Variants in ZFHX3 observed in about 807,000 individuals in gnomAD.
The protein encoded by ZFHX3 is zinc finger homeobox protein 3.
In ZFHX3, 42 loss-of-function variants were observed where a neutral mutation model predicts 279.1. That is an observed-to-expected ratio of 0.15 (90% CI 0.12 to 0.19). ZFHX3 has a LOEUF of 0.19. Ranked by LOEUF, ZFHX3 falls within the 10% of genes least tolerant of loss-of-function variation. The probability of loss-of-function intolerance (pLI) is 1.00; values close to 1 mark genes in which losing one functional copy is unlikely to be tolerated. For synonymous variants in ZFHX3, 2,293 were observed against 1,957.8 expected (o/e 1.17, Z -4.52); for missense variants, 4,981 against 4,754.0 (o/e 1.05, Z -1.40).
chr16:73,131,055 G>A (rs1353573401), exon 7 of ZFHX3: 2 of 1,195,094 alleles, frequency 1.7e-6, no homozygotes, highest in Admixed American at 2.3e-5. Flanking sequence ...CCTGTCCCTT[G>A]CTGGCTCTTG....
In ZFHX3 at chr16:73,083,170, T is replaced by A. The variant is rs146921704; in HGVS notation, c.-533+10065A>T. 581 of 152,554 alleles carry A rather than the reference T, an allele frequency of 3.8e-3. 3 individuals are homozygous for A. Among genetic ancestry groups the A allele is most frequent in the African/African-American group, 0.012 (507 of 41,488 alleles). 9.5% of individuals were successfully genotyped at this position (152,554 alleles called of 1,614,324 possible). A position where few individuals can be genotyped will look rare whatever the true frequency, so the allele number is the denominator to read the frequency against. On this transcript the variant is annotated intron_variant, in intron 8 of 17. Coordinates refer to the ZFHX3 transcript ENST00000641206. ...GTGAGCCAAGACCATGCCATTGCAC[T>A]CCAGCCTGGGCAACAAGAGCAAAAC...
intron 4 of ZFHX3, among the ~76,000 whole-genome samples, chr16:72,889,520 A>C (rs896027034): frequency 6.6e-6 from 1 of 151,912 alleles, no homozygotes; most frequent in African/African-American, 2.4e-5. Context: ...AAGAAGAAGA[A>C]AGAAAAGAAA....
At chr16:72,908,206 T>C (rs762610654) in intron 3 of ZFHX3, among the ~76,000 whole-genome samples, 14 of 152,014 alleles carry the variant, frequency 9.2e-5, no homozygotes, top group Admixed American at 3.3e-4. Flanking sequence ...TCCCTGGGGA[T>C]TGACACACAG....
chr16:73,677,078 A>G (rs148790128), intron 2 of ZFHX3, among the ~76,000 whole-genome samples: 2 of 152,126 alleles, frequency 1.3e-5, no homozygotes, highest in East Asian at 1.9e-4. Context: ...TTAATTCTCT[A>G]TCTTAAGGAA....
chr16:72,915,762 TA>T (rs35736633), intron 3 of ZFHX3, among the ~76,000 whole-genome samples: 2,569 of 125,684 alleles, frequency 0.02, 44 homozygotes, highest in African/African-American at 0.054. Flanking sequence ...GACTCTGTCA[TA>T]AAAAAAAAAA....
intron 4 of ZFHX3, among the ~76,000 whole-genome samples, chr16:72,858,254 A>G (rs1420838421): frequency 6.6e-6 from 1 of 152,196 alleles, no homozygotes; most frequent in African/African-American, 2.4e-5. Flanking sequence ...TGACTTATTT[A>G]TTTATTTCTT....
intron 3 of ZFHX3, among the ~76,000 whole-genome samples, chr16:73,376,820 TAAAACTGGTCAGA>T (rs751349614): frequency 2.0e-5 from 3 of 152,222 alleles, no homozygotes; most frequent in Non-Finnish European, 2.9e-5. Flanking sequence ...TTGATAATTA[TAAAACTGGTCAGA>T]GAGTTGCTCC....
intron 5 of ZFHX3, among the ~76,000 whole-genome samples, chr16:73,152,076 A>T (rs1966957165): frequency 6.6e-6 from 1 of 152,096 alleles, no homozygotes; most frequent in Non-Finnish European, 1.5e-5. Context: ...CCTCACTCCA[A>T]CAAGATATTT....
At chr16:73,263,467 G>A (rs1442383800) in intron 4 of ZFHX3, among the ~76,000 whole-genome samples, 1 of 152,194 alleles carries the variant, frequency 6.6e-6, no homozygotes, top group East Asian at 1.9e-4. Context: ...GGGATTACAG[G>A]CGTAAGCCAC....
rs142378761 is a variant in ZFHX3 at position 73,523,726 on chromosome 16, C to T, written c.-1546-67468G>A. On this transcript the variant is annotated intron_variant, in intron 2 of 17. Transcript: ENST00000641206. ...TTCTCTTTCACTTCTTCCTGAATTT[C>T]CCCTCCTTTTGTTTTGTCCTTGCAT... Among the ~76,000 whole-genome samples, 1,062 of 151,316 alleles carry T rather than the reference C, an allele frequency of 7.0e-3. 12 individuals carry two copies. Among genetic ancestry groups the T allele is most frequent in the African/African-American group, 0.024 (1,009 of 41,194 alleles).
intron 2 of ZFHX3, among the ~76,000 whole-genome samples, chr16:73,673,725 G>A (rs1212576901): frequency 6.6e-6 from 1 of 152,218 alleles, no homozygotes; most frequent in African/African-American, 2.4e-5. Context: ...GAAGTGCTGA[G>A]CTGGACTTGG....
chr16:73,376,601 G>T (rs1011966710), intron 3 of ZFHX3, among the ~76,000 whole-genome samples: 1 of 152,130 alleles, frequency 6.6e-6, no homozygotes, highest in East Asian at 1.9e-4. Flanking sequence ...TGCATCATTG[G>T]CTGGAGTCAA....
intron 3 of ZFHX3, among the ~76,000 whole-genome samples, chr16:73,399,028 C>T (rs953612771): frequency 3.9e-5 from 5 of 127,944 alleles, no homozygotes; most frequent in Admixed American, 8.4e-5. Context: ...CCATGCCCCC[C>T]GCTAATTTTT....
intron 3 of ZFHX3, among the ~76,000 whole-genome samples, chr16:73,418,434 T>TG (rs2017642243): frequency 6.6e-6 from 1 of 152,124 alleles, no homozygotes. Flanking sequence ...GAAGGAGTGG[T>TG]GGGGGGAAGA....
Position 73,510,170 on chromosome 16 carries a change from C to T in ZFHX3, c.-1546-53912G>A, listed in dbSNP as rs143819595. 6.9e-3 allele frequency among the ~76,000 whole-genome samples: 1,047 copies of T among 152,284 alleles called. 4 individuals are homozygous for T. The highest frequency in any genetic ancestry group is 0.01 in the Non-Finnish European group (699 of 68,034). Reference sequence around the variant, plus strand: ...CACCCCTGATCAGCAAATCTAAAGGCATCATCTAGCCACTTGCAATTACAC... The same window carrying T: ...CACCCCTGATCAGCAAATCTAAAGGTATCATCTAGCCACTTGCAATTACAC... On this transcript the variant is annotated intron_variant, in intron 2 of 17. Transcript: ENST00000641206.
At chr16:73,457,912 A>G (rs1482551306) in intron 2 of ZFHX3, among the ~76,000 whole-genome samples, 1 of 152,172 alleles carries the variant, frequency 6.6e-6, no homozygotes, top group African/African-American at 2.4e-5. Flanking sequence ...TTCCATCCCA[A>G]CTTCCTTCCC....
chr16:73,467,645 C>T (rs2018595754), intron 2 of ZFHX3, among the ~76,000 whole-genome samples: 1 of 152,156 alleles, frequency 6.6e-6, no homozygotes, highest in South Asian at 2.1e-4. Flanking sequence ...TATGGGTATT[C>T]ACTGAAAAGT....
intron 5 of ZFHX3, among the ~76,000 whole-genome samples, chr16:73,184,948 A>G (rs1967878444): frequency 6.6e-6 from 1 of 151,782 alleles, no homozygotes; most frequent in Non-Finnish European, 1.5e-5. Context: ...TGCACAGCAG[A>G]TATTGTGTGC....
rs2019069005 is a variant in ZFHX3, at chr16:73,492,356, G to A, written c.-1546-36098C>T. The stretch of plus-strand genomic sequence containing the variant: ...TCTGATATCCCTCTCTGTCTCCTTT[G>A]TTTCCTCTTGTATGGCTGTGTTGAC... On this transcript the variant is annotated intron_variant, in intron 2 of 17. Transcript: ENST00000641206. 3.3e-5 allele frequency among the ~76,000 whole-genome samples: 5 copies of A among 152,056 alleles called. No individual in the cohort carries two copies. In the South Asian group the frequency reaches 1.0e-3, roughly 31 times the overall value.
Sources: gnomAD v4.1 joint callset for allele counts (sites outside exome capture counted in the v4.1 genomes callset) on GRCh38, gnomAD v4.1.1 for gene constraint, MANE v1.5 for transcripts, NCBI Gene and HGNC (gene_info 2026-07-23, HGNC 2026-07-21) for gene names.